Variants in ABCA8 observed in about 807,000 individuals in gnomAD.
ABCA8 encodes the protein ABC-type organic anion transporter ABCA8.
Under a neutral mutation model 192.3 loss-of-function variants are expected in ABCA8, and 177 were observed. That is an observed-to-expected ratio of 0.92 (90% CI 0.81 to 1.04). The LOEUF (loss-of-function observed/expected upper bound fraction) is 1.04, where lower values mean the gene tolerates loss of function less well. Ranked by LOEUF, ABCA8 falls within the 50% of genes least tolerant of loss-of-function variation. The pLI, the probability that ABCA8 is intolerant of heterozygous loss-of-function variation, is 0.00. For synonymous variants in ABCA8, 642 were observed against 690.2 expected (o/e 0.93, Z 1.09); for missense variants, 1,915 against 1,904.8 (o/e 1.01, Z -0.10).
chr17:68,924,606 T>G, intron 11 of ABCA8, 95 bp downstream of exon 11: 1 of 1,375,594 alleles, frequency 7.3e-7, no homozygotes. Context: ...AGGTGGGAAC[T>G]GTCTACAGAG....
chr17:68,913,780 A>G (rs2067281397), intron 17 of ABCA8, among the ~76,000 whole-genome samples: 2 of 152,104 alleles, frequency 1.3e-5, no homozygotes, highest in African/African-American at 4.8e-5. Context: ...GAATTCTACC[A>G]AATACTTAAA....
rs756128969 is a variant in ABCA8 at position 68,911,488 on chromosome 17, C to A, written c.2139-3609G>T. 6.6e-6 allele frequency among the ~76,000 whole-genome samples: 1 copy of A among 152,042 alleles called. No homozygotes were observed. The highest frequency in any genetic ancestry group is 1.5e-5 in the Non-Finnish European group (1 of 68,016). Reference sequence around the variant, plus strand: ...TTCCTCCCAGAAGGCATTTCTGGACCCACCCTGGGCCAGTGGGAAGCTTGC... The same window carrying A: ...TTCCTCCCAGAAGGCATTTCTGGACACACCCTGGGCCAGTGGGAAGCTTGC... On this transcript the variant is annotated intron_variant, in intron 17 of 39. Coordinates refer to ENST00000586539, the MANE Select transcript of ABCA8 (RefSeq NM_001288985.2). The surrounding 1 kb of genome is among the most constrained non-coding windows in gnomAD (Gnocchi z 5.7).
intron 14 of ABCA8, among the ~76,000 whole-genome samples, chr17:68,918,930 C>CAAAAAAAAAAAAAAAAAAA (rs34377045): frequency 4.4e-5 from 2 of 45,954 alleles, no homozygotes; most frequent in Non-Finnish European, 9.0e-5. Flanking sequence ...AACTCTGTCT[C>CAAAAAAAAAAAAAAAAAAA]AAAAAAAAAA....
At chr17:68,946,186 G>A (rs970937932) in intron 2 of ABCA8, among the ~76,000 whole-genome samples, 1 of 151,900 alleles carries the variant, frequency 6.6e-6, no homozygotes, top group African/African-American at 2.4e-5. Flanking sequence ...TCCTGCCTCA[G>A]TCTCCCAAGT....
chr17:68,893,321 T>C (rs1008525833), intron 23 of ABCA8, among the ~76,000 whole-genome samples: 32 of 152,194 alleles, frequency 2.1e-4, no homozygotes, highest in African/African-American at 7.5e-4. Context: ...GTTATTCTGG[T>C]TCTAAACTTA....
In ABCA8 at chr17:68,940,752, A is replaced by T; in HGVS notation, c.301+6T>A. On this transcript the variant is annotated splice_donor_region_variant and intron_variant, in intron 4 of 39. Transcript: ENST00000586539. ...GACATTCTTCTTAAGTAACTAGAAA[A>T]CTTACCTGCCAGGAAGGGAGTAGAG... 1 of 1,610,038 alleles carries T rather than the reference A, an allele frequency of 6.2e-7. No individual in the cohort carries two copies.
intron 10 of ABCA8, among the ~76,000 whole-genome samples, chr17:68,925,763 C>T (rs1259318964): frequency 6.6e-6 from 1 of 152,162 alleles, no homozygotes; most frequent in East Asian, 1.9e-4. Context: ...AAGCATGCCA[C>T]CATAACTGGA....
chr17:68,913,037 T>C lies in ABCA8; in HGVS notation c.2138+4324A>G, dbSNP rs182519539. Among the ~76,000 whole-genome samples, 4 of 152,064 alleles carry C rather than the reference T, an allele frequency of 2.6e-5. No homozygotes were observed. The East Asian group carries it at 7.7e-4, about 29-fold the overall frequency. On this transcript the variant is annotated intron_variant, in intron 17 of 39. Transcript: ENST00000586539. Reference sequence around the variant, plus strand: ...CTTAAATTTTTTTTTCAAATTGAAATTATACCAAATAGCTTCTCTGACCAC... The same window carrying C: ...CTTAAATTTTTTTTTCAAATTGAAACTATACCAAATAGCTTCTCTGACCAC...
chr17:68,930,368 G>C (rs890651516), intron 7 of ABCA8, among the ~76,000 whole-genome samples: 1 of 152,064 alleles, frequency 6.6e-6, no homozygotes, highest in Non-Finnish European at 1.5e-5. Context: ...CTTGCCTTTA[G>C]TTCCGTTCAT....
intron 5 of ABCA8, among the ~76,000 whole-genome samples, chr17:68,933,818 AAG>A (rs1251444228): frequency 1.3e-5 from 2 of 152,180 alleles, no homozygotes; most frequent in African/African-American, 4.8e-5. Flanking sequence ...AACTATATTA[AAG>A]AGATATCCTT....
In ABCA8 at chr17:68,894,170, T is replaced by C; in HGVS notation, c.3036+3A>G. 2.5e-6 allele frequency: 4 copies of C among 1,612,872 alleles called. No individual in the cohort carries two copies. The highest frequency in any genetic ancestry group is 3.4e-6 in the Non-Finnish European group (4 of 1,179,372). ...CAGGAATTGTAAGATTATATATATT[T>C]ACCTCCAAAAATGTACTTCTTTCAG... On this transcript the variant is annotated splice_donor_region_variant and intron_variant, in intron 23 of 39. Coordinates refer to ENST00000586539, the MANE Select transcript of ABCA8 (RefSeq NM_001288985.2).
chr17:68,928,006 A>G lies in ABCA8; in HGVS notation c.1183T>C (p.Ser395Pro), dbSNP rs1384029621. The change falls in exon 10 of 40, where the codon TCA (serine) becomes CCA (proline). Residue 395 changes from serine (S) to proline (P), a missense_variant. By Grantham distance (74) the Ser-to-Pro change is moderately conservative. Transcript: ENST00000586539. ...SNAFPHPSDG[S>P]NLIVATNFML... ...AAATTTGTTGCTACAATGAGATTTG[A>G]GCCGTCCGATGGATGAGGAAATGCA... The G allele has an allele frequency of 6.2e-7, 1 of 1,608,376 alleles. No individual in the cohort carries two copies. The highest frequency in any genetic ancestry group is 1.3e-5 in the African/African-American group (1 of 74,640).
intron 11 of ABCA8, among the ~76,000 whole-genome samples, chr17:68,923,730 A>G (rs2067611549): frequency 6.6e-6 from 1 of 152,220 alleles, no homozygotes; most frequent in Admixed American, 6.5e-5. Context: ...AAAGAACAAA[A>G]TGAAATGGGC....
chr17:68,907,146 A>G (rs2067088920), intron 18 of ABCA8, among the ~76,000 whole-genome samples: 1 of 152,138 alleles, frequency 6.6e-6, no homozygotes, highest in Admixed American at 6.5e-5. Flanking sequence ...ACTAATCAGA[A>G]TTTGCGTAAC....
chr17:68,895,057 A>T, intron 21 of ABCA8, 44 bp from the exon 22 acceptor site: 1 of 1,516,602 alleles, frequency 6.6e-7, no homozygotes, highest in Non-Finnish European at 8.9e-7. Flanking sequence ...AACTAAAAAC[A>T]TTAATGTCAA....
chr17:68,868,851 T>C (rs1382495535), intron 38 of ABCA8, among the ~76,000 whole-genome samples: 3 of 152,120 alleles, frequency 2.0e-5, no homozygotes, highest in Non-Finnish European at 2.9e-5. Flanking sequence ...AGAGCTCTAA[T>C]AGGAGCTCAG....
chr17:68,945,527 T>A (rs1262437408), intron 2 of ABCA8, among the ~76,000 whole-genome samples: 1 of 152,154 alleles, frequency 6.6e-6, no homozygotes, highest in Non-Finnish European at 1.5e-5. Context: ...ACTTTCCTTT[T>A]CAGAAGTCAT....
chr17:68,920,217 A>G (rs534624784), intron 13 of ABCA8, among the ~76,000 whole-genome samples: 2 of 152,262 alleles, frequency 1.3e-5, no homozygotes, highest in East Asian at 3.9e-4. Context: ...TTATGAACAC[A>G]AAAAGGCAAA....
intron 7 of ABCA8, among the ~76,000 whole-genome samples, chr17:68,930,878 C>G (rs2067850482): frequency 6.6e-6 from 1 of 152,208 alleles, no homozygotes; most frequent in African/African-American, 2.4e-5. Context: ...TCCCTAGCCT[C>G]TCTGTTATTT....
Sources: allele counts gnomAD v4.1 joint callset (sites outside exome capture counted in the v4.1 genomes callset), GRCh38; gene constraint gnomAD v4.1.1; non-coding constraint Gnocchi (gnomAD v3.1); transcripts MANE v1.5; gene names NCBI Gene and HGNC (gene_info 2026-07-23, HGNC 2026-07-21).